Variants in ZNF512B observed in about 807,000 individuals in gnomAD.
ZNF512B encodes zinc finger protein 512B.
Under a neutral mutation model 87.8 loss-of-function variants are expected in ZNF512B, and 22 were observed. That is an observed-to-expected ratio of 0.25 (90% CI 0.18 to 0.36). The LOEUF is 0.36. Among genes scored for constraint, ZNF512B ranks in the 10% least tolerant of loss-of-function variants. The probability of loss-of-function intolerance (pLI) is 1.00; values close to 1 mark genes in which losing one functional copy is unlikely to be tolerated. For synonymous variants in ZNF512B, 524 were observed against 490.9 expected (o/e 1.07, Z -0.89); for missense variants, 1,060 against 1,231.6 (o/e 0.86, Z 2.09).
rs1275474944 is a variant in ZNF512B at position 63,958,067 on chromosome 20, A to G, written c.*1821T>C. 1.3e-5 allele frequency: 2 copies of G among 152,206 alleles called. No homozygotes were observed. Among genetic ancestry groups the G allele is most frequent in the African/African-American group, 2.4e-5 (1 of 41,410 alleles). 9.4% of individuals were successfully genotyped at this position (152,206 alleles called of 1,614,324 possible). On this transcript the variant is annotated 3_prime_UTR_variant, in exon 17 of 17. Coordinates refer to ENST00000369888, the MANE Select transcript of ZNF512B (RefSeq NM_020713.3). ...ACACCCACTCCCTGGCACATCTGGC[A>G]AGGGCTGCTGAGGGTTGGAGCCTTC...
rs773694513 is a variant in ZNF512B, at chr20:63,956,908, T to C, written c.*2980A>G. On this transcript the variant is annotated 3_prime_UTR_variant, in exon 17 of 17. Transcript: ENST00000369888. ...GATAGAATATATATGTATATATATA[T>C]GGTTACAAGTGATAGCTGGAACCTC... 1 of 152,480 alleles carries C rather than the reference T, an allele frequency of 6.6e-6. No homozygotes were observed. The highest frequency in any genetic ancestry group is 2.4e-5 in the African/African-American group (1 of 41,440). 9.4% of individuals were successfully genotyped at this position (152,480 alleles called of 1,614,324 possible).
chr20:63,962,433 A>T (rs1202904074), intron 13 of ZNF512B, 59 bp from the exon 14 acceptor site: 1 of 1,568,998 alleles, frequency 6.4e-7, no homozygotes, highest in Non-Finnish European at 8.6e-7. Context: ...AGCTGCTCTA[A>T]GAACACTCGC....
rs894245787 is a variant in ZNF512B at position 63,957,225 on chromosome 20, G to A, written c.*2663C>T. 6.5e-6 allele frequency: 1 copy of A among 152,672 alleles called. No individual in the cohort carries two copies. The highest frequency in any genetic ancestry group is 2.4e-5 in the African/African-American group (1 of 41,486). The allele number at this position is 152,672 out of a possible 1,614,324, so 9.5% of individuals were successfully genotyped here. On this transcript the variant is annotated 3_prime_UTR_variant, in exon 17 of 17. Coordinates refer to ENST00000369888, the MANE Select transcript of ZNF512B (RefSeq NM_020713.3). ...TAAAGTGCATCCCATTTTCGTGTGAGCGTCGGCCCGGTGAGTCAGCCCTTC... is the reference window on the plus strand; with the variant it reads ...TAAAGTGCATCCCATTTTCGTGTGAACGTCGGCCCGGTGAGTCAGCCCTTC...
In ZNF512B at chr20:63,962,713, G is replaced by A. The variant is rs772064772; in HGVS notation, c.2037C>T (p.Ser679=). The A allele has an allele frequency of 5.9e-5, 95 of 1,602,482 alleles. No homozygotes were observed. Among genetic ancestry groups the A allele is most frequent in the Non-Finnish European group, 7.4e-5 (87 of 1,176,242 alleles). Residue 679 remains serine (S), a synonymous_variant, in exon 13 of 17, where the codon AGC becomes AGT. Transcript: ENST00000369888. ...EDPLGVERTP[S]GRVRRTSAQV... is the part of the protein sequence containing the mutation. The stretch of plus-strand genomic sequence containing the variant: ...GGGCCGACGTGCGGCGGACACGCCC[G>A]CTTGGGGTCCGCTCCACACCCAGCG...
intron 14 of ZNF512B, 103 bp from the exon 15 acceptor site, chr20:63,962,107 T>G: frequency 7.3e-7 from 1 of 1,374,406 alleles, no homozygotes; most frequent in Non-Finnish European, 1.0e-6. Flanking sequence ...TTGGGGCAAG[T>G]GAGGGGGTGT....
In ZNF512B at chr20:63,961,865, T is replaced by A. The variant is rs972125951; in HGVS notation, c.2328+77A>T. Reference sequence around the variant, plus strand: ...GACAAGGCAGGGTCCCTCACTACTGTGTGGGAAGCCCGCGTGGGGTGAGCT... The same window carrying A: ...GACAAGGCAGGGTCCCTCACTACTGAGTGGGAAGCCCGCGTGGGGTGAGCT... On this transcript the variant is annotated intron_variant, in intron 15 of 16. Coordinates refer to ENST00000369888, the MANE Select transcript of ZNF512B (RefSeq NM_020713.3). The surrounding 1 kb of genome is among the most constrained non-coding windows in gnomAD (Gnocchi z 6.4). The A allele has an allele frequency of 2.8e-6, 4 of 1,450,994 alleles. No individual in the cohort carries two copies. Among genetic ancestry groups the A allele is most frequent in the Non-Finnish European group, 3.8e-6 (4 of 1,057,698 alleles). 89.9% of individuals were successfully genotyped at this position (1,450,994 alleles called of 1,614,324 possible). A position where few individuals can be genotyped will look rare whatever the true frequency, so the allele number is the denominator to read the frequency against.
chr20:63,963,917 TG>T lies in ZNF512B; in HGVS notation c.1481-5del. ...TGCCACTGCTCTTCAGGGCCACCTG[TG>T]GGTAAGGCAGGGGCCTCGAAGGCTT... On this transcript the variant is annotated splice_polypyrimidine_tract_variant and splice_region_variant and intron_variant, in intron 8 of 16. Coordinates refer to ENST00000369888, the MANE Select transcript of ZNF512B (RefSeq NM_020713.3). The T allele has an allele frequency of 6.2e-7, 1 of 1,609,364 alleles. No homozygotes were observed. Among genetic ancestry groups the T allele is most frequent in the South Asian group, 1.1e-5 (1 of 91,086 alleles).
chr20:63,963,778 AG>A lies in ZNF512B; in HGVS notation c.1605+10del. ...CGCCTCCCTCCCAGCGCCTTCCGGG[AG>A]CTGCCTTACCTTCTGACACACCTCC... On this transcript the variant is annotated intron_variant, in intron 9 of 16. Transcript: ENST00000369888. 6.2e-7 allele frequency: 1 copy of A among 1,613,028 alleles called. No individual in the cohort carries two copies. Among genetic ancestry groups the A allele is most frequent in the South Asian group, 1.1e-5 (1 of 91,078 alleles).
Position 63,963,153 on chromosome 20 carries a change from T to A in ZNF512B, c.1910A>T (p.Lys637Met). ...SPSFPCTHCG[K>M]TYRSKAGHDY... ...GTGGCCAGCCTTGGATCGGTACGTC[T>A]TGCCACAGTGGGTGCAGGGGAAGGA... Residue 637 changes from lysine (K) to methionine (M), a missense_variant, in exon 12 of 17, where the codon AAG (lysine) becomes ATG (methionine). By Grantham distance (95) the Lys-to-Met change is moderately conservative. Coordinates refer to ENST00000369888, the MANE Select transcript of ZNF512B (RefSeq NM_020713.3). 6.4e-7 allele frequency: 1 copy of A among 1,551,922 alleles called. No homozygotes were observed. Among genetic ancestry groups the A allele is most frequent in the Non-Finnish European group, 8.7e-7 (1 of 1,154,880 alleles).
In ZNF512B at chr20:63,961,242, C is replaced by A. The variant is rs552226219; in HGVS notation, c.2427+67G>T. On this transcript the variant is annotated intron_variant, in intron 16 of 16. Coordinates refer to ENST00000369888, the MANE Select transcript of ZNF512B (RefSeq NM_020713.3). This position sits in a 1 kb window ranked among gnomAD's most constrained non-coding sequence, Gnocchi z 6.4. Reference sequence around the variant, plus strand: ...CTGACCTCTCTACCCCCAAGGGGTGCCCAACCCCAGCCCTGTCCCCTCCTG... The same window carrying A: ...CTGACCTCTCTACCCCCAAGGGGTGACCAACCCCAGCCCTGTCCCCTCCTG... 3 of 1,522,108 alleles carry A rather than the reference C, an allele frequency of 2.0e-6. 1 individual carries two copies. The highest frequency in any genetic ancestry group is 3.4e-5 in the Admixed American group (2 of 58,376). The allele number at this position is 1,522,108 out of a possible 1,614,324, so 94.3% of individuals were successfully genotyped here.
intron 1 of ZNF512B, 109 bp from the exon 2 acceptor site, chr20:63,968,061 G>A: frequency 2.9e-6 from 4 of 1,367,096 alleles, no homozygotes; most frequent in South Asian, 2.7e-5. Context: ...TCAGGGAAGA[G>A]GGGCCTGCCT....
chr20:63,957,845 C>G lies in ZNF512B; in HGVS notation c.*2043G>C, dbSNP rs2058782314. 2 of 151,592 alleles carry G rather than the reference C, an allele frequency of 1.3e-5. No homozygotes were observed. The highest frequency in any genetic ancestry group is 4.9e-5 in the African/African-American group (2 of 41,110). 9.4% of individuals were successfully genotyped at this position (151,592 alleles called of 1,614,324 possible). The stretch of plus-strand genomic sequence containing the variant: ...CTCCCCTCCCCTCCCCTCCCCTCCC[C>G]TCATGAGGCTGCCCCAGCAGCAGCT... On this transcript the variant is annotated 3_prime_UTR_variant, in exon 17 of 17. Transcript: ENST00000369888.
intron 1 of ZNF512B, chr20:63,969,083 A>C: frequency 2.0e-6 from 2 of 983,598 alleles, no homozygotes; most frequent in Non-Finnish European, 2.4e-6. Context: ...CCCATTGCCA[A>C]GGGGGAGGCC....
In ZNF512B at chr20:63,956,893, A is replaced by G. The variant is rs1435312134; in HGVS notation, c.*2995T>C. ...AATAAACACTTTGTAGATAGAATAT[A>G]TATGTATATATATATGGTTACAAGT... On this transcript the variant is annotated 3_prime_UTR_variant, in exon 17 of 17. Transcript: ENST00000369888. 2 of 152,554 alleles carry G rather than the reference A, an allele frequency of 1.3e-5. No individual in the cohort carries two copies. Among genetic ancestry groups the G allele is most frequent in the African/African-American group, 2.4e-5 (1 of 41,440 alleles). 9.5% of individuals were successfully genotyped at this position (152,554 alleles called of 1,614,324 possible). A position where few individuals can be genotyped will look rare whatever the true frequency, so the allele number is the denominator to read the frequency against.
At position 63,961,891 on chromosome 20, in the gene ZNF512B, G is replaced by T; in HGVS notation, c.2328+51C>A. 6.5e-7 allele frequency: 1 copy of T among 1,539,114 alleles called. No homozygotes were observed. The highest frequency in any genetic ancestry group is 1.2e-5 in the South Asian group (1 of 83,840). On this transcript the variant is annotated intron_variant, in intron 15 of 16. Transcript: ENST00000369888. The surrounding 1 kb of genome is among the most constrained non-coding windows in gnomAD (Gnocchi z 6.4). ...GTGGGAAGCCCGCGTGGGGTGAGCTGGGAGCTCTGAGTGCAGCGCACCTGG... is the reference window on the plus strand; with the variant it reads ...GTGGGAAGCCCGCGTGGGGTGAGCTTGGAGCTCTGAGTGCAGCGCACCTGG...
intron 10 of ZNF512B, 50 bp downstream of exon 10, chr20:63,963,568 G>C: frequency 6.2e-7 from 1 of 1,604,818 alleles, no homozygotes; most frequent in Non-Finnish European, 8.5e-7. Flanking sequence ...GTGAAGGTGG[G>C]GTGCGAGGTC....
Position 63,964,077 on chromosome 20 carries a change from C to T in ZNF512B, c.1474G>A (p.Ala492Thr). The change falls in exon 8 of 17, where the codon GCT becomes ACT. Residue 492 changes from alanine to threonine, a missense_variant. Transcript: ENST00000369888. The part of the protein sequence containing the change: ...KEAPAPVAHP[A>T]PGGPEEQWQR... ...CCTGCCAGGCAGCCCCTACCTGGAG[C>T]TGGGTGGGCCACAGGGGCCGGTGCC... 1 of 1,608,170 alleles carries T rather than the reference C, an allele frequency of 6.2e-7. No individual in the cohort carries two copies. Among genetic ancestry groups the T allele is most frequent in the Non-Finnish European group, 8.5e-7 (1 of 1,179,464 alleles).
chr20:63,968,633 C>G (rs1336951195), intron 1 of ZNF512B, among the ~76,000 whole-genome samples: 2 of 152,226 alleles, frequency 1.3e-5, no homozygotes, highest in African/African-American at 4.8e-5. Context: ...CCTGTGCCGG[C>G]TGAACTATCC....
In ZNF512B at chr20:63,963,149, C is replaced by A. The variant is rs187230525; in HGVS notation, c.1914G>T (p.Thr638=). 25 of 1,552,080 alleles carry A rather than the reference C, an allele frequency of 1.6e-5. No individual in the cohort carries two copies. In the East Asian group the frequency reaches 5.5e-4, roughly 34 times the overall value. ...PSFPCTHCGK[T]YRSKAGHDYH... The stretch of plus-strand genomic sequence containing the variant: ...AGTCGTGGCCAGCCTTGGATCGGTA[C>A]GTCTTGCCACAGTGGGTGCAGGGGA... The change falls in exon 12 of 17, where the codon ACG becomes ACT. Residue 638 remains threonine, a synonymous_variant. Coordinates refer to ENST00000369888, the MANE Select transcript of ZNF512B (RefSeq NM_020713.3).
Sources: gnomAD v4.1 joint callset for allele counts (sites outside exome capture counted in the v4.1 genomes callset) on GRCh38, gnomAD v4.1.1 for gene constraint, Gnocchi (gnomAD v3.1) non-coding constraint, MANE v1.5 for transcripts, NCBI Gene and HGNC (gene_info 2026-07-23, HGNC 2026-07-21) for gene names.